ZFAND6: variants seen among roughly 807,000 people sequenced by gnomAD.
The protein encoded by ZFAND6 is zinc finger AN1-type containing 6, also known as AN1-type zinc finger protein 6.
ZFAND6 carries 12 observed loss-of-function variants against 24.5 expected under a neutral mutation model. The ratio of observed to expected loss-of-function variants is 0.49; its 90% CI spans 0.31 to 0.79. ZFAND6 has a LOEUF of 0.79. Among genes scored for constraint, ZFAND6 ranks in the 30% least tolerant of loss-of-function variants. ZFAND6 has a pLI of 0.04. For synonymous variants in ZFAND6, 92 were observed against 81.5 expected, an observed-to-expected ratio of 1.13 and a Z score of -0.69; for missense variants, 207 against 245.9, an observed-to-expected ratio of 0.84 and a Z score of 1.06.
intron 1 of ZFAND6, among the ~76,000 whole-genome samples, chr15:80,090,000 C>T (rs185605364): frequency 6.6e-6 from 1 of 152,304 alleles, no homozygotes; most frequent in Non-Finnish European, 1.5e-5. Flanking sequence ...ACAATCCTTT[C>T]CCTATAACGA....
intron 1 of ZFAND6, among the ~76,000 whole-genome samples, chr15:80,062,697 AT>A (rs928158529): frequency 3.3e-5 from 5 of 152,088 alleles, no homozygotes; most frequent in African/African-American, 1.2e-4. Context: ...TAAAAACCTT[AT>A]TTTTTATTTA....
At position 80,085,599 on chromosome 15, in the gene ZFAND6, A is replaced by G. The variant is rs75179393; in HGVS notation, c.-180-12817A>G. On this transcript the variant is annotated intron_variant, in intron 1 of 6. Coordinates refer to ENST00000261749, the MANE Select transcript of ZFAND6 (RefSeq NM_019006.4). ...TAGGCAAAAACAAAAAACACTCATCATCTAACTAGTTAGCAATAAAAATGG... is the reference window on the plus strand; with the variant it reads ...TAGGCAAAAACAAAAAACACTCATCGTCTAACTAGTTAGCAATAAAAATGG... Among the ~76,000 whole-genome samples the G allele has an allele frequency of 0.02, 3,091 of 152,278 alleles. 222 individuals carry two copies. The East Asian group carries it at 0.22, about 11-fold the overall frequency.
intron 1 of ZFAND6, among the ~76,000 whole-genome samples, chr15:80,080,660 A>T (rs1324348633): frequency 6.6e-6 from 1 of 152,200 alleles, no homozygotes; most frequent in Non-Finnish European, 1.5e-5. Flanking sequence ...GAAATACGTG[A>T]GACTGAGTAT....
intron 1 of ZFAND6, among the ~76,000 whole-genome samples, chr15:80,093,288 A>T (rs1020682820): frequency 2.6e-5 from 4 of 152,018 alleles, no homozygotes; most frequent in Admixed American, 2.6e-4. Context: ...TTTTAAATAT[A>T]CAAGTTTTTG....
chr15:80,107,849 G>A (rs1249085991), intron 2 of ZFAND6, among the ~76,000 whole-genome samples: 3 of 150,676 alleles, frequency 2.0e-5, no homozygotes, highest in African/African-American at 7.3e-5. Flanking sequence ...AGAGGGGAAG[G>A]GAGGGGAGAA....
At chr15:80,125,611 T>C (rs911895096) in intron 5 of ZFAND6, among the ~76,000 whole-genome samples, 6 of 152,238 alleles carry the variant, frequency 3.9e-5, no homozygotes, top group African/African-American at 9.6e-5. Flanking sequence ...TTTAAAAATA[T>C]AGCAGTACCT....
At chr15:80,085,620 A>C (rs2037947086) in intron 1 of ZFAND6, among the ~76,000 whole-genome samples, 1 of 152,214 alleles carries the variant, frequency 6.6e-6, no homozygotes, top group Non-Finnish European at 1.5e-5. Flanking sequence ...TAGCAATAAA[A>C]ATGGATAAAA....
At chr15:80,116,872 A>T (rs923913951) in intron 2 of ZFAND6, among the ~76,000 whole-genome samples, 1 of 152,170 alleles carries the variant, frequency 6.6e-6, no homozygotes, top group Non-Finnish European at 1.5e-5. Flanking sequence ...AAGCCAAAAG[A>T]TTGGATACCC....
intron 2 of ZFAND6, among the ~76,000 whole-genome samples, chr15:80,107,844 G>C (rs781036648): frequency 5.4e-5 from 8 of 148,586 alleles, no homozygotes; most frequent in Non-Finnish European, 1.2e-4. Context: ...AGGGGAGAGG[G>C]GAAGGGAGGG....
At chr15:80,133,554 G>A (rs1208258185) in intron 6 of ZFAND6, among the ~76,000 whole-genome samples, 1 of 152,156 alleles carries the variant, frequency 6.6e-6, no homozygotes, top group Non-Finnish European at 1.5e-5. Context: ...AGGAGAAACA[G>A]CTTCTGCCAG....
At chr15:80,136,186 G>A (rs2040854167) in intron 6 of ZFAND6, among the ~76,000 whole-genome samples, 2 of 151,912 alleles carry the variant, frequency 1.3e-5, no homozygotes, top group Non-Finnish European at 2.9e-5. Flanking sequence ...CCTTTCTAGG[G>A]CTGGGCATGG....
chr15:80,066,576 G>A (rs1183433838), intron 1 of ZFAND6, among the ~76,000 whole-genome samples: 1 of 151,842 alleles, frequency 6.6e-6, no homozygotes, highest in African/African-American at 2.4e-5. Flanking sequence ...GCCTCCCAAA[G>A]TGCTGGGATT....
chr15:80,063,187 G>C (rs1049599975), intron 1 of ZFAND6, among the ~76,000 whole-genome samples: 2 of 152,114 alleles, frequency 1.3e-5, no homozygotes, highest in Admixed American at 6.5e-5. Flanking sequence ...GCTACATTAA[G>C]TAATTTAAAA....
chr15:80,104,689 T>C (rs1021029267), intron 2 of ZFAND6, among the ~76,000 whole-genome samples: 2 of 152,200 alleles, frequency 1.3e-5, no homozygotes, highest in African/African-American at 4.8e-5. Context: ...TTTTCTTGAG[T>C]CGCTGATTTT....
At chr15:80,082,793 G>A (rs1274568598) in intron 1 of ZFAND6, among the ~76,000 whole-genome samples, 1 of 152,072 alleles carries the variant, frequency 6.6e-6, no homozygotes, top group Non-Finnish European at 1.5e-5. Flanking sequence ...GTTTTGCTGA[G>A]TTTATATCTT....
At chr15:80,124,539 G>A (rs956345456) in intron 5 of ZFAND6, among the ~76,000 whole-genome samples, 5 of 152,172 alleles carry the variant, frequency 3.3e-5, no homozygotes. Flanking sequence ...ATAGATTGGT[G>A]AACTATCATA....
At chr15:80,069,997 C>CT (rs1567049954) in intron 1 of ZFAND6, among the ~76,000 whole-genome samples, 1 of 152,094 alleles carries the variant, frequency 6.6e-6, no homozygotes, top group African/African-American at 2.4e-5. Context: ...TCAGGGTGGT[C>CT]TTTTTATCAA....
At chr15:80,073,235 A>T in intron 1 of ZFAND6, 1 of 257,552 alleles carries the variant, frequency 3.9e-6, no homozygotes, top group South Asian at 3.4e-5. Context: ...CTTTCTTCTT[A>T]CTTCATTCAA....
chr15:80,110,438 A>G (rs952559076), intron 2 of ZFAND6, among the ~76,000 whole-genome samples: 3 of 152,192 alleles, frequency 2.0e-5, no homozygotes, highest in African/African-American at 7.2e-5. Flanking sequence ...AAACTGAGAG[A>G]TATACAGTAG....
Sources: allele counts gnomAD v4.1 joint callset (sites outside exome capture counted in the v4.1 genomes callset), GRCh38; gene constraint gnomAD v4.1.1; transcripts MANE v1.5; gene names NCBI Gene and HGNC (gene_info 2026-07-23, HGNC 2026-07-21).